The following PTPRD variants were observed in gnomAD, a reference collection of about 807,000 sequenced individuals.
The protein encoded by PTPRD is receptor-type tyrosine-protein phosphatase delta.
Under a neutral mutation model 214.5 loss-of-function variants are expected in PTPRD, and 34 were observed. The ratio of observed to expected loss-of-function variants is 0.16; its 90% confidence interval spans 0.12 to 0.21. PTPRD has a LOEUF of 0.21. Among genes scored for constraint, PTPRD ranks in the 10% least tolerant of loss-of-function variants. The pLI, the probability that PTPRD is intolerant of heterozygous loss-of-function variation, is 1.00. For missense variants in PTPRD, 2,545 were observed against 2,398.7 expected (o/e 1.06, Z -1.27); for synonymous variants, 1,128 against 845.7 (o/e 1.33, Z -5.79).
At chr9:8,842,695 G>A (rs1447083154) in intron 11 of PTPRD, among the ~76,000 whole-genome samples, 1 of 152,162 alleles carries the variant, frequency 6.6e-6, no homozygotes, top group Non-Finnish European at 1.5e-5. Context: ...TTCTTTCAGT[G>A]ACTTCTAGCA....
At chr9:8,477,154 G>C (rs982804275) in intron 30 of PTPRD, among the ~76,000 whole-genome samples, 1 of 151,906 alleles carries the variant, frequency 6.6e-6, no homozygotes, top group Non-Finnish European at 1.5e-5. Context: ...TTTGGAGCTA[G>C]CTTTATATAT....
At chr9:10,438,501 T>G (rs527385587) in intron 2 of PTPRD, among the ~76,000 whole-genome samples, 14 of 151,884 alleles carry the variant, frequency 9.2e-5, no homozygotes, top group African/African-American at 3.1e-4. Flanking sequence ...AAGTAATTTA[T>G]GAGTCTTTGG....
intron 12 of PTPRD, among the ~76,000 whole-genome samples, chr9:8,675,530 C>A (rs1019826355): frequency 2.3e-5 from 2 of 86,100 alleles, no homozygotes; most frequent in Non-Finnish European, 4.6e-5. Context: ...TACACACACA[C>A]ACACACACAA....
intron 3 of PTPRD, among the ~76,000 whole-genome samples, chr9:10,329,436 T>C (rs936936766): frequency 2.0e-5 from 3 of 151,880 alleles, no homozygotes; most frequent in African/African-American, 7.2e-5. Flanking sequence ...TTGTATGTTT[T>C]CAGCTGCTTA....
At chr9:9,371,604 C>CAGA (rs2059513523) in intron 9 of PTPRD, among the ~76,000 whole-genome samples, 1 of 145,318 alleles carries the variant, frequency 6.9e-6, no homozygotes, top group South Asian at 2.1e-4. Context: ...TTTTGTGTCT[C>CAGA]TATCTCCTTC....
At chr9:8,369,893 T>C (rs566115511) in intron 39 of PTPRD, among the ~76,000 whole-genome samples, 1 of 152,044 alleles carries the variant, frequency 6.6e-6, no homozygotes, top group Non-Finnish European at 1.5e-5. Flanking sequence ...TATTCATTCC[T>C]AACAAATGCA....
chr9:8,498,171 T>C (rs948465768), intron 25 of PTPRD, among the ~76,000 whole-genome samples: 9 of 152,230 alleles, frequency 5.9e-5, no homozygotes, highest in East Asian at 1.9e-4. Context: ...GTTTCAAAAC[T>C]GAAGAAAACA....
At chr9:9,490,367 T>C (rs980688854) in intron 8 of PTPRD, among the ~76,000 whole-genome samples, 3 of 152,228 alleles carry the variant, frequency 2.0e-5, no homozygotes, top group South Asian at 2.1e-4. Context: ...AAGCTAGTAT[T>C]ATTGTAATGA....
chr9:8,942,184 C>T (rs2099038149), intron 11 of PTPRD, among the ~76,000 whole-genome samples: 1 of 152,180 alleles, frequency 6.6e-6, no homozygotes, highest in South Asian at 2.1e-4. Flanking sequence ...ATACTTTACC[C>T]ATTGCCAGCA....
At chr9:8,930,951 AG>A (rs2098948319) in intron 11 of PTPRD, among the ~76,000 whole-genome samples, 1 of 152,006 alleles carries the variant, frequency 6.6e-6, no homozygotes, top group African/African-American at 2.4e-5. Flanking sequence ...GCTGTGCAGA[AG>A]CTCTTTAGTT....
intron 3 of PTPRD, among the ~76,000 whole-genome samples, chr9:10,299,397 A>C (rs571555734): frequency 6.6e-6 from 1 of 152,268 alleles, no homozygotes; most frequent in Non-Finnish European, 1.5e-5. Context: ...TGAGATGTTA[A>C]TTTCAGCTAC....
intron 11 of PTPRD, among the ~76,000 whole-genome samples, chr9:8,929,256 T>C (rs2098927469): frequency 6.6e-6 from 1 of 152,156 alleles, no homozygotes; most frequent in Non-Finnish European, 1.5e-5. Flanking sequence ...AGGGCATCCT[T>C]GTCTTGTGCC....
rs112540190 is a variant in PTPRD, at chr9:9,625,970, A to C, written c.-286-51189T>G. Reference sequence around the variant, plus strand: ...CTTGTGGGCCATAAACTTTTGCTGCAACTACTGAGTTCTGCCTTTGTAGCA... The same window carrying C: ...CTTGTGGGCCATAAACTTTTGCTGCCACTACTGAGTTCTGCCTTTGTAGCA... On this transcript the variant is annotated intron_variant, in intron 7 of 45. Coordinates refer to ENST00000381196, the MANE Select transcript of PTPRD (RefSeq NM_002839.4). Among the ~76,000 whole-genome samples the C allele has an allele frequency of 3.2e-3, 481 of 152,310 alleles. 1 individual carries two copies. The highest frequency in any genetic ancestry group is 0.011 in the African/African-American group (462 of 41,564).
chr9:8,452,582 T>G (rs764068953), intron 33 of PTPRD, among the ~76,000 whole-genome samples: 1 of 152,262 alleles, frequency 6.6e-6, no homozygotes, highest in Non-Finnish European at 1.5e-5. Flanking sequence ...ATTTTAAATT[T>G]TGCCTTGCTC....
chr9:8,756,968 C>G (rs1255647646), intron 11 of PTPRD, among the ~76,000 whole-genome samples: 1 of 152,102 alleles, frequency 6.6e-6, no homozygotes, highest in East Asian at 1.9e-4. Context: ...TGGTGAAACC[C>G]TGTCTCTACT....
chr9:8,940,668 G>A (rs1350159032), intron 11 of PTPRD, among the ~76,000 whole-genome samples: 3 of 151,696 alleles, frequency 2.0e-5, no homozygotes. Flanking sequence ...CTCCCACCTG[G>A]GAACTTTCTA....
At chr9:8,981,235 A>T (rs2099311200) in intron 11 of PTPRD, among the ~76,000 whole-genome samples, 1 of 152,112 alleles carries the variant, frequency 6.6e-6, no homozygotes, top group Non-Finnish European at 1.5e-5. Flanking sequence ...AGATTAAAAA[A>T]AAAGAAGCTA....
At chr9:9,674,939 T>C (rs2096900925) in intron 7 of PTPRD, among the ~76,000 whole-genome samples, 1 of 151,706 alleles carries the variant, frequency 6.6e-6, no homozygotes, top group Non-Finnish European at 1.5e-5. Context: ...AAAAAGTAGT[T>C]TAAGTATAGA....
chr9:10,099,820 A>G (rs960242059), intron 3 of PTPRD, among the ~76,000 whole-genome samples: 3 of 151,718 alleles, frequency 2.0e-5, no homozygotes, highest in Admixed American at 6.6e-5. Context: ...ATTGGGTAAG[A>G]TTAGAAATTT....
Sources: gnomAD v4.1 joint callset for allele counts (sites outside exome capture counted in the v4.1 genomes callset) on GRCh38, gnomAD v4.1.1 for gene constraint, MANE v1.5 for transcripts, NCBI Gene and HGNC (gene_info 2026-07-23, HGNC 2026-07-21) for gene names.